FERMT1: variants seen among roughly 807,000 people sequenced by gnomAD.
FERMT1 encodes FERM domain containing kindlin 1.
Under a neutral mutation model 85.3 loss-of-function variants are expected in FERMT1, and 60 were observed. The ratio of observed to expected loss-of-function variants is 0.70; its 90% CI spans 0.57 to 0.87. FERMT1 has a LOEUF of 0.87. Ranked by LOEUF, FERMT1 falls within the 40% of genes least tolerant of loss-of-function variation. The probability of loss-of-function intolerance (pLI) is 0.00; values close to 1 mark genes in which losing one functional copy is unlikely to be tolerated. For missense variants in FERMT1, 701 were observed against 818.9 expected, an observed-to-expected ratio of 0.86 and a Z score of 1.76; for synonymous variants, 275 against 301.1, an observed-to-expected ratio of 0.91 and a Z score of 0.90.
chr20:6,097,348 A>C (rs948210480), intron 7 of FERMT1, among the ~76,000 whole-genome samples, 176 bp downstream of exon 7: 6 of 152,228 alleles, frequency 3.9e-5, no homozygotes, highest in Admixed American at 1.3e-4. Context: ...TTAAATTAAA[A>C]ATTTGTTCTG....
intron 6 of FERMT1, 32 bp from the exon 7 acceptor site, chr20:6,097,663 G>T: frequency 7.2e-7 from 1 of 1,390,246 alleles, no homozygotes; most frequent in Non-Finnish European, 1.0e-6. Flanking sequence ...TGTGTGTAAT[G>T]AGGTATATTT....
intron 4 of FERMT1, among the ~76,000 whole-genome samples, chr20:6,111,585 T>C (rs1442824737): frequency 6.6e-6 from 1 of 152,082 alleles, no homozygotes; most frequent in Admixed American, 6.6e-5. Flanking sequence ...TGAGCCGAGA[T>C]TGTGCCACTG....
intron 6 of FERMT1, among the ~76,000 whole-genome samples, chr20:6,103,149 TAA>T (rs1568661159): frequency 1.3e-5 from 2 of 152,188 alleles, no homozygotes; most frequent in African/African-American, 4.8e-5. Context: ...GAGTGTTCAA[TAA>T]AAAGTTAGTC....
chr20:6,083,589 G>A (rs2123096699), intron 13 of FERMT1, among the ~76,000 whole-genome samples: 1 of 151,576 alleles, frequency 6.6e-6, no homozygotes, highest in South Asian at 2.1e-4. Context: ...AGCACTTTGG[G>A]AGGCTGAGGT....
chr20:6,110,205 C>T (rs1310831340), intron 5 of FERMT1, 93 bp downstream of exon 5: 1 of 1,112,888 alleles, frequency 9.0e-7, no homozygotes, highest in Non-Finnish European at 1.3e-6. Flanking sequence ...AGCACAATCC[C>T]TAGGCCTACC....
intron 6 of FERMT1, 30 bp downstream of exon 6, chr20:6,107,502 G>A (rs778777130): frequency 7.4e-7 from 1 of 1,353,538 alleles, no homozygotes; most frequent in Non-Finnish European, 1.1e-6. Context: ...ATATTAAAAA[G>A]AGAAAGACAA....
Position 6,104,466 on chromosome 20 carries a change from G to C in FERMT1, c.849+3066C>G, listed in dbSNP as rs1335832590. On this transcript the variant is annotated intron_variant, in intron 6 of 14. Coordinates refer to ENST00000217289, the MANE Select transcript of FERMT1 (RefSeq NM_017671.5). This position sits in a 1 kb window ranked among gnomAD's most constrained non-coding sequence, Gnocchi z 4.2. ...AGCACAGAGTAGGAGTCTTAAACTT[G>C]ATTTTATCTATAGCACTCATAATTT... is the stretch of plus-strand genomic sequence containing the variant. 1.3e-5 allele frequency among the ~76,000 whole-genome samples: 2 copies of C among 152,092 alleles called. No individual in the cohort carries two copies. Among genetic ancestry groups the C allele is most frequent in the African/African-American group, 4.8e-5 (2 of 41,432 alleles).
At position 6,079,417 on chromosome 20, in the gene FERMT1, GC is replaced by G. The variant is rs1568652050; in HGVS notation, c.1860+18del. On this transcript the variant is annotated intron_variant, in intron 14 of 14. Coordinates refer to ENST00000217289, the MANE Select transcript of FERMT1 (RefSeq NM_017671.5). ...ACATTTATAGGCTCAACACTGAAGA[GC>G]AAAAACTTTCACTTTACCTGCCGGG... The G allele has an allele frequency of 6.2e-7, 1 of 1,613,648 alleles. No homozygotes were observed. Among genetic ancestry groups the G allele is most frequent in the Admixed American group, 1.7e-5 (1 of 59,996 alleles).
intron 3 of FERMT1, 131 bp downstream of exon 3, chr20:6,115,680 G>C (rs1293028799): frequency 1.3e-5 from 10 of 753,208 alleles, no homozygotes; most frequent in Non-Finnish European, 2.3e-5. Flanking sequence ...ACCCAGAAGG[G>C]CTTAAACATG....
intron 6 of FERMT1, among the ~76,000 whole-genome samples, chr20:6,105,935 TACA>T (rs1982784361): frequency 6.6e-6 from 1 of 152,150 alleles, no homozygotes; most frequent in Admixed American, 6.5e-5. Context: ...ATAGATGGCA[TACA>T]ACAAGATAGC....
chr20:6,110,234 G>T, intron 5 of FERMT1, 64 bp downstream of exon 5: 1 of 1,354,926 alleles, frequency 7.4e-7, no homozygotes, highest in Non-Finnish European at 1.0e-6. Context: ...AATGAAACGT[G>T]ACATCCCATC....
chr20:6,085,352 G>T, intron 11 of FERMT1, 65 bp from the exon 12 acceptor site: 1 of 1,457,794 alleles, frequency 6.9e-7, no homozygotes, highest in Non-Finnish European at 9.6e-7. Context: ...CACAGAGGGG[G>T]ACTTGGGCTT....
intron 1 of FERMT1, chr20:6,120,321 A>G (rs1983238019): frequency 6.6e-6 from 1 of 152,238 alleles, no homozygotes; most frequent in South Asian, 2.1e-4. Context: ...GCACCAATTA[A>G]AAATTTGGAT....
At chr20:6,110,663 C>T (rs528821717) in intron 4 of FERMT1, 152 bp from the exon 5 acceptor site, 31 of 689,504 alleles carry the variant, frequency 4.5e-5, no homozygotes, top group Admixed American at 6.6e-5. Flanking sequence ...CTGTGGCCCG[C>T]GTCTATAATC....
chr20:6,080,262 G>C (rs1396899010), intron 13 of FERMT1, among the ~76,000 whole-genome samples: 2 of 152,138 alleles, frequency 1.3e-5, no homozygotes, highest in Non-Finnish European at 2.9e-5. Context: ...GTAGGCCACT[G>C]TAAGGATCTG....
chr20:6,087,059 T>C (rs1982208220), intron 11 of FERMT1, among the ~76,000 whole-genome samples: 1 of 152,120 alleles, frequency 6.6e-6, no homozygotes, highest in Admixed American at 6.5e-5. Context: ...TGGGTGGAAG[T>C]GACAGTGTGC....
chr20:6,106,820 C>T (rs1248020939), intron 6 of FERMT1, among the ~76,000 whole-genome samples: 1 of 152,148 alleles, frequency 6.6e-6, no homozygotes, highest in Non-Finnish European at 1.5e-5. Context: ...GTCCTATGTG[C>T]ACCATCATGT....
At chr20:6,112,953 T>C (rs1250738869) in intron 3 of FERMT1, among the ~76,000 whole-genome samples, 1 of 152,190 alleles carries the variant, frequency 6.6e-6, no homozygotes, top group Non-Finnish European at 1.5e-5. Context: ...TTACTAGCAT[T>C]ATGCTATTCT....
At chr20:6,118,006 A>G (rs1400266462) in intron 2 of FERMT1, among the ~76,000 whole-genome samples, 2 of 151,008 alleles carry the variant, frequency 1.3e-5, no homozygotes, top group Non-Finnish European at 2.9e-5. Flanking sequence ...ATAAATTGGC[A>G]CAACTATTTT....
Sources: gnomAD v4.1 joint callset for allele counts (sites outside exome capture counted in the v4.1 genomes callset) on GRCh38, gnomAD v4.1.1 for gene constraint, Gnocchi (gnomAD v3.1) non-coding constraint, MANE v1.5 for transcripts, NCBI Gene and HGNC (gene_info 2026-07-23, HGNC 2026-07-21) for gene names.